Variants in GIT1 observed in about 807,000 individuals in gnomAD.
The protein encoded by GIT1 is GIT ArfGAP 1.
In GIT1, 14 loss-of-function variants were observed where a neutral mutation model predicts 91.7. The observed-to-expected ratio is 0.15, with a 90% CI of 0.10 to 0.24. The LOEUF (loss-of-function observed/expected upper bound fraction) is 0.24. Among genes scored for constraint, GIT1 ranks in the 10% least tolerant of loss-of-function variants. The pLI, the probability that GIT1 is intolerant of heterozygous loss-of-function variation, is 1.00. For synonymous variants in GIT1, 414 were observed against 418.2 expected, an observed-to-expected ratio of 0.99 and a Z score of 0.12; for missense variants, 717 against 1,024.9, an observed-to-expected ratio of 0.70 and a Z score of 4.10.
rs138895891 is a variant in GIT1 at position 29,582,874 on chromosome 17, C to T, written c.299+51G>A. 3.7e-3 allele frequency: 5,770 copies of T among 1,550,840 alleles called. 13 individuals are homozygous for T. The highest frequency in any genetic ancestry group is 4.6e-3 in the Non-Finnish European group (5,151 of 1,123,462). ...TGGTCACCTTGCCACCTCCCAGGGC[C>T]CTGTCCCGGACTGCGCAGTCTCTGC... On this transcript the variant is annotated intron_variant, in intron 3 of 19. Transcript: ENST00000225394.
chr17:29,580,941 G>T, intron 7 of GIT1: 2 of 236,988 alleles, frequency 8.4e-6, no homozygotes, highest in South Asian at 1.1e-4. Flanking sequence ...CACCACGCCT[G>T]GCTAATTTTG....
At chr17:29,577,870 T>G (rs2033268830) in intron 9 of GIT1, 128 bp from the exon 10 acceptor site, 5 of 661,886 alleles carry the variant, frequency 7.6e-6, no homozygotes, top group Non-Finnish European at 1.4e-5. Context: ...AGAACAGGGG[T>G]GGTCTTTGGG....
Position 29,583,537 on chromosome 17 carries a change from G to A in GIT1, c.132C>T (p.His44=). The A allele has an allele frequency of 1.9e-6, 3 of 1,612,396 alleles. No individual in the cohort carries two copies. The highest frequency in any genetic ancestry group is 2.5e-6 in the Non-Finnish European group (3 of 1,179,906). Residue 44 remains histidine, a synonymous_variant, in exon 2 of 20, where the codon CAC becomes CAT. Transcript: ENST00000225394. ...CCSVHRSLGR[H]ISIVKHLRHS... ...GGCGAAGGTGCTTGACAATGGAGATGTGGCGTCCCAGGCTCCGGTGCACGC... is the reference window on the plus strand; with the variant it reads ...GGCGAAGGTGCTTGACAATGGAGATATGGCGTCCCAGGCTCCGGTGCACGC...
intron 1 of GIT1, among the ~76,000 whole-genome samples, chr17:29,588,289 A>C (rs1417012694): frequency 1.3e-5 from 2 of 152,186 alleles, no homozygotes; most frequent in African/African-American, 2.4e-5. Flanking sequence ...TCCTTTGCTA[A>C]AGAAAGAATG....
In GIT1 at chr17:29,574,588, C is replaced by T; in HGVS notation, c.*114G>A. ...ACCTGGCTGCCAGGGAGTGTGGCAGCACTAAGGGCACTTGTGCCAGTGGCT... is the reference window on the plus strand; with the variant it reads ...ACCTGGCTGCCAGGGAGTGTGGCAGTACTAAGGGCACTTGTGCCAGTGGCT... On this transcript the variant is annotated 3_prime_UTR_variant, in exon 20 of 20. Transcript: ENST00000225394. 1 of 922,544 alleles carries T rather than the reference C, an allele frequency of 1.1e-6. No homozygotes were observed. 57.1% of individuals were successfully genotyped at this position (922,544 alleles called of 1,614,324 possible).
intron 1 of GIT1, among the ~76,000 whole-genome samples, chr17:29,584,620 T>C (rs1390266711): frequency 6.6e-6 from 1 of 152,172 alleles, no homozygotes; most frequent in Non-Finnish European, 1.5e-5. Context: ...GGCGCCTCTC[T>C]CCCAGGACAC....
At chr17:29,577,076 T>G in intron 11 of GIT1, 60 bp downstream of exon 11, 1 of 1,606,644 alleles carries the variant, frequency 6.2e-7, no homozygotes, top group Non-Finnish European at 8.5e-7. Flanking sequence ...GGGAGAGCCA[T>G]GCAGGAAAGA....
rs545134245 is a variant in GIT1 at position 29,576,902 on chromosome 17, G to C, written c.1188C>G (p.Pro396=). The part of the protein sequence containing the change: ...VASDEDTDQE[P]LRSTGATRSN... ...TCCGAGTGGCGCCGGTGCTGCGCAG[G>C]GGCTCCTGGTCTGTGTCCTCGTCAG... The change falls in exon 12 of 20, where the codon CCC becomes CCG. Residue 396 remains proline, a synonymous_variant. Transcript: ENST00000225394. 1.8e-5 allele frequency: 28 copies of C among 1,578,388 alleles called. 1 individual carries two copies. The South Asian group carries it at 3.2e-4, about 18-fold the overall frequency.
Position 29,575,071 on chromosome 17 carries a change from C to A in GIT1, c.2073+8G>T. The A allele has an allele frequency of 6.3e-7, 1 of 1,588,638 alleles. No homozygotes were observed. ...TCCCACTCCTGGTCCTCTCTTTGGC[C>A]CCTGTACCTTTGGGAAGAGGGAGGC... On this transcript the variant is annotated splice_region_variant and intron_variant, in intron 19 of 19. Transcript: ENST00000225394. The surrounding 1 kb of genome is among the most constrained non-coding windows in gnomAD (Gnocchi z 5.5).
rs780961355 is a variant in GIT1, at chr17:29,576,243, G to C, written c.1588C>G (p.Arg530Gly). Residue 530 changes from arginine to glycine, a missense_variant, in exon 14 of 20, where the codon CGG (arginine) becomes GGG (glycine). By Grantham distance (125) the Arg-to-Gly change is moderately radical (BLOSUM62 -2). Transcript: ENST00000225394. ...GGPPGDELTT[R>G]LQPFHSTELE... ...ACAGTGCTGTGGAAAGGCTGCAGCC[G>C]CGTAGTGAGCTCGTCCCCAGGGGGG... 1 of 1,608,648 alleles carries C rather than the reference G, an allele frequency of 6.2e-7. No individual in the cohort carries two copies. The highest frequency in any genetic ancestry group is 1.1e-5 in the South Asian group (1 of 91,006).
In GIT1 at chr17:29,575,162, T is replaced by A. The variant is rs1189416615; in HGVS notation, c.2010-20A>T. 3 of 1,585,850 alleles carry A rather than the reference T, an allele frequency of 1.9e-6. No individual in the cohort carries two copies. The highest frequency in any genetic ancestry group is 2.7e-5 in the African/African-American group (2 of 74,056). On this transcript the variant is annotated intron_variant, in intron 18 of 19. Coordinates refer to ENST00000225394, the MANE Select transcript of GIT1 (RefSeq NM_014030.4). The surrounding 1 kb of genome is among the most constrained non-coding windows in gnomAD (Gnocchi z 5.5). ...ACGAAGCTGCGGGGAGAAGGGAGGC[T>A]ATAAAGCAGGGGGCTCTCAAGGGAG...
In GIT1 at chr17:29,576,879, C is replaced by T. The variant is rs1347707615; in HGVS notation, c.1211G>A (p.Arg404Gln). 3.8e-6 allele frequency: 6 copies of T among 1,574,394 alleles called. No individual in the cohort carries two copies. The highest frequency in any genetic ancestry group is 2.3e-5 in the East Asian group (1 of 43,056). Residue 404 changes from arginine to glutamine, a missense_variant, in exon 12 of 20, where the codon CGG (arginine) becomes CAG (glutamine). Around this residue, in one of 3 missense-constraint regions of GIT1, gnomAD observed 312 missense variants for 349.5 expected, o/e 0.89. Coordinates refer to ENST00000225394, the MANE Select transcript of GIT1 (RefSeq NM_014030.4). ...GACTCAGACCCGGGCCCGGTTGCTC[C>T]GAGTGGCGCCGGTGCTGCGCAGGGG... ...QEPLRSTGAT[R>Q]SNRARSMDSS...
chr17:29,578,875 G>C, intron 7 of GIT1, 96 bp from the exon 8 acceptor site: 2 of 1,563,100 alleles, frequency 1.3e-6, no homozygotes, highest in East Asian at 2.2e-5. Context: ...AGGGATCCCG[G>C]GGAGATGGCA....
chr17:29,574,519 C>A lies in GIT1; in HGVS notation c.*183G>T, dbSNP rs769006617. On this transcript the variant is annotated 3_prime_UTR_variant, in exon 20 of 20. Transcript: ENST00000225394. ...TGGGGGACAGAAGCTCCTGCCCCCC[C>A]ACCTCCCCATCCTTAGGGGCTCGAC... The A allele has an allele frequency of 2.9e-5, 19 of 661,660 alleles. No individual in the cohort carries two copies. The highest frequency in any genetic ancestry group is 2.7e-4 in the Middle Eastern group (1 of 3,722). 41.0% of individuals were successfully genotyped at this position (661,660 alleles called of 1,614,324 possible). A position where few individuals can be genotyped will look rare whatever the true frequency, so the allele number is the denominator to read the frequency against.
chr17:29,576,666 G>C lies in GIT1; in HGVS notation c.1236C>G (p.Asp412Glu). The change falls in exon 13 of 20, where the codon GAC (aspartate) becomes GAG (glutamate). Residue 412 changes from aspartate (D) to glutamate (E), a missense_variant. Coordinates refer to ENST00000225394, the MANE Select transcript of GIT1 (RefSeq NM_014030.4). ...ATRSNRARSM[D>E]SSDLSDGAVT... ...CAGCCCCGTCAGACAAGTCCGAGGA[G>C]TCCATGCTCTGCAGAGAGAGACCTA... The C allele has an allele frequency of 6.2e-7, 1 of 1,613,948 alleles. No homozygotes were observed. Among genetic ancestry groups the C allele is most frequent in the Non-Finnish European group, 8.5e-7 (1 of 1,180,004 alleles).
chr17:29,583,898 C>G, intron 1 of GIT1: 1 of 442,578 alleles, frequency 2.3e-6, no homozygotes, highest in East Asian at 3.5e-5. Context: ...TCCTGCCCTG[C>G]AGCCACTGCT....
chr17:29,581,657 C>A lies in GIT1; in HGVS notation c.718+85G>T. On this transcript the variant is annotated intron_variant, in intron 6 of 19. Transcript: ENST00000225394. This position sits in a 1 kb window ranked among gnomAD's most constrained non-coding sequence, Gnocchi z 4.8. ...CTCCCCAGCCGCTCTGTCACCATGG[C>A]ACCTGCTGCCGGGTGCGTCCAGGTC... is the stretch of plus-strand genomic sequence containing the variant. 9.8e-7 allele frequency: 1 copy of A among 1,022,700 alleles called. No individual in the cohort carries two copies. The highest frequency in any genetic ancestry group is 1.5e-6 in the Non-Finnish European group (1 of 664,846). 63.4% of individuals were successfully genotyped at this position (1,022,700 alleles called of 1,614,324 possible).
In GIT1 at chr17:29,576,386, G is replaced by A. The variant is rs911378975; in HGVS notation, c.1445C>T (p.Pro482Leu). 6.2e-7 allele frequency: 1 copy of A among 1,613,380 alleles called. No individual in the cohort carries two copies. Among genetic ancestry groups the A allele is most frequent in the African/African-American group, 1.3e-5 (1 of 74,934 alleles). ...GTGTTCCGCCCGTTCACTGGGGAGTGGAGGTGTGGGCACCGGCCCTGGAGG... is the reference window on the plus strand; with the variant it reads ...GTGTTCCGCCCGTTCACTGGGGAGTAGAGGTGTGGGCACCGGCCCTGGAGG... ...RQPPGPVPTPPLPSERAEHTP... is the reference protein window; with the variant it reads ...RQPPGPVPTPLLPSERAEHTP... The change falls in exon 14 of 20, where the codon CCA (proline) becomes CTA (leucine). Residue 482 changes from proline (P) to leucine (L), a missense_variant. This residue lies in a region of GIT1 where 312 missense variants were observed against 349.5 expected (regional missense o/e 0.89). Coordinates refer to ENST00000225394, the MANE Select transcript of GIT1 (RefSeq NM_014030.4).
chr17:29,576,060 C>T lies in GIT1; in HGVS notation c.1665+18G>A, dbSNP rs2033183490. 8.7e-6 allele frequency: 14 copies of T among 1,612,476 alleles called. No homozygotes were observed. Among genetic ancestry groups the T allele is most frequent in the Admixed American group, 3.3e-5 (2 of 60,002 alleles). On this transcript the variant is annotated intron_variant, in intron 15 of 19. Coordinates refer to ENST00000225394, the MANE Select transcript of GIT1 (RefSeq NM_014030.4). ...CAGAACCTACTGGCTAAGATGGACA[C>T]GCCTTCCCCAGGCTTACCCGGTAAA... is the stretch of plus-strand genomic sequence containing the variant.
Sources: allele counts gnomAD v4.1 joint callset (sites outside exome capture counted in the v4.1 genomes callset), GRCh38; gene constraint gnomAD v4.1.1; regional missense constraint gnomAD v4.1.1; non-coding constraint Gnocchi (gnomAD v3.1); transcripts MANE v1.5; gene names NCBI Gene and HGNC (gene_info 2026-07-23, HGNC 2026-07-21).